RET: variants seen among roughly 807,000 people sequenced by gnomAD.
The protein encoded by RET is ret proto-oncogene, also known as proto-oncogene tyrosine-protein kinase receptor Ret.
A neutral mutation model predicts 118.3 loss-of-function variants in RET; 19 were observed. The observed-to-expected ratio is 0.16, with a 90% confidence interval of 0.11 to 0.24. RET has a LOEUF of 0.24. RET is among the 10% of genes least tolerant of loss of function. The pLI is 1.00. For missense variants in RET, 1,219 were observed against 1,502.1 expected, an observed-to-expected ratio of 0.81 and a Z score of 3.12; for synonymous variants, 597 against 644.1, an observed-to-expected ratio of 0.93 and a Z score of 1.11.
chr10:43,079,764 G>A (rs1837137569), intron 1 of RET, among the ~76,000 whole-genome samples: 1 of 152,166 alleles, frequency 6.6e-6, no homozygotes, highest in Non-Finnish European at 1.5e-5. Flanking sequence ...CAAGCTGCCA[G>A]ACCACCCTCT....
intron 1 of RET, among the ~76,000 whole-genome samples, chr10:43,092,646 T>C (rs1564486854): frequency 6.6e-6 from 1 of 152,182 alleles, no homozygotes; most frequent in Non-Finnish European, 1.5e-5. Flanking sequence ...GGACCCAGGT[T>C]TGTGCAGCAT....
intron 1 of RET, among the ~76,000 whole-genome samples, chr10:43,088,177 GTGA>G (rs1180429478): frequency 1.3e-5 from 2 of 151,842 alleles, no homozygotes; most frequent in Admixed American, 1.3e-4. Flanking sequence ...GGAGGCAACG[GTGA>G]TGGTGGTGGT....
chr10:43,111,130 G>T, intron 6 of RET, 77 bp from the exon 7 acceptor site: 1 of 1,597,274 alleles, frequency 6.3e-7, no homozygotes, highest in South Asian at 1.1e-5. Context: ...GACTTAGGCT[G>T]TGTGGGAATC....
intron 13 of RET, 106 bp from the exon 14 acceptor site, chr10:43,119,425 T>C: frequency 1.2e-6 from 1 of 853,686 alleles, no homozygotes; most frequent in Non-Finnish European, 1.9e-6. Context: ...ACCCCCTTAC[T>C]CATTGGGTGG....
At chr10:43,091,916 G>A (rs1181781195) in intron 1 of RET, among the ~76,000 whole-genome samples, 3 of 151,906 alleles carry the variant, frequency 2.0e-5, no homozygotes, top group African/African-American at 7.3e-5. Flanking sequence ...TGTAGCTGCT[G>A]TGGAGAACAG....
chr10:43,096,231 C>T (rs924766592), intron 1 of RET, among the ~76,000 whole-genome samples: 3 of 152,136 alleles, frequency 2.0e-5, no homozygotes, highest in Non-Finnish European at 4.4e-5. Context: ...TCTCGACCCA[C>T]GGGCCTGGCC....
At chr10:43,086,048 G>A (rs1418668321) in intron 1 of RET, among the ~76,000 whole-genome samples, 1 of 152,226 alleles carries the variant, frequency 6.6e-6, no homozygotes, top group Non-Finnish European at 1.5e-5. Flanking sequence ...CTACTCTGCA[G>A]CCCAATGCAG....
chr10:43,081,928 G>A (rs1228129361), intron 1 of RET, among the ~76,000 whole-genome samples: 2 of 152,200 alleles, frequency 1.3e-5, no homozygotes, highest in Non-Finnish European at 2.9e-5. Context: ...ACACTTGGCA[G>A]CCCCTGAGGT....
At position 43,118,782 on chromosome 10, in the gene RET, G is replaced by A. The variant is rs2075910; in HGVS notation, c.2392+302G>A. On this transcript the variant is annotated intron_variant, in intron 13 of 19. Coordinates refer to ENST00000355710, the MANE Select transcript of RET (RefSeq NM_020975.6). ...CCTCACCCAGTTCGGGGCTGGGCCC[G>A]TGGGGCAGGGAGCTCTAGGAATGGA... is the stretch of plus-strand genomic sequence containing the variant. Among the ~76,000 whole-genome samples the A allele has an allele frequency of 0.78, 119,434 of 152,244 alleles. 47,441 individuals are homozygous for A. Among genetic ancestry groups the A allele is most frequent in the African/African-American group, 0.88 (36,696 of 41,576 alleles).
intron 2 of RET, 106 bp from the exon 3 acceptor site, chr10:43,102,233 TTGG>T: frequency 7.2e-7 from 1 of 1,398,168 alleles, no homozygotes; most frequent in Non-Finnish European, 1.0e-6. Flanking sequence ...CTTGTGGACC[TTGG>T]TGGGGACCAG....
chr10:43,100,812 C>T, intron 2 of RET, 90 bp downstream of exon 2: 1 of 1,375,420 alleles, frequency 7.3e-7, no homozygotes, highest in Non-Finnish European at 1.0e-6. Flanking sequence ...TGAAGCTTGG[C>T]ATGGCTTCCC....
chr10:43,103,917 C>A (rs896027950), intron 3 of RET, among the ~76,000 whole-genome samples: 1 of 152,194 alleles, frequency 6.6e-6, no homozygotes, highest in South Asian at 2.1e-4. Flanking sequence ...GGGTCTTCAG[C>A]GGTGACCTTC....
chr10:43,116,969 A>C (rs1052326248), intron 12 of RET, among the ~76,000 whole-genome samples: 3 of 152,254 alleles, frequency 2.0e-5, no homozygotes, highest in Non-Finnish European at 4.4e-5. Flanking sequence ...TCTAAGCTTT[A>C]AACATTTAAA....
Position 43,109,143 on chromosome 10 carries a change from C to T in RET, c.1176C>T (p.His392=), listed in dbSNP as rs1193035007. The change falls in exon 6 of 20, where the codon CAC becomes CAT. Residue 392 remains histidine, a synonymous_variant. Coordinates refer to ENST00000355710, the MANE Select transcript of RET (RefSeq NM_020975.6). ...CAGGAGCGGGCGTCCTCTTGCTCCA[C>T]TTCAACGTGTCGGTGCTGCCGGTCA... ...QGPGAGVLLL[H]FNVSVLPVSL... 2 of 1,613,916 alleles carry T rather than the reference C, an allele frequency of 1.2e-6. No homozygotes were observed. Among genetic ancestry groups the T allele is most frequent in the African/African-American group, 1.3e-5 (1 of 75,050 alleles).
In RET at chr10:43,112,143, A is replaced by G. The variant is rs766278774; in HGVS notation, c.1567A>G (p.Lys523Glu). Residue 523 changes from lysine to glutamate, a missense_variant, in exon 8 of 20, where the codon AAG (lysine) becomes GAG (glutamate). Transcript: ENST00000355710. ...AGCPLSCAVS[K>E]RRLECEECGG... ...CTGCCCCCTGTCCTGTGCAGTCAGC[A>G]AGAGACGGCTGGAGTGTGAGGAGTG... 1 of 1,598,294 alleles carries G rather than the reference A, an allele frequency of 6.3e-7. No individual in the cohort carries two copies. The highest frequency in any genetic ancestry group is 1.3e-5 in the African/African-American group (1 of 74,786).
At chr10:43,126,060 T>A (rs1838321551) in intron 18 of RET, among the ~76,000 whole-genome samples, 1 of 152,116 alleles carries the variant, frequency 6.6e-6, no homozygotes, top group Non-Finnish European at 1.5e-5. Flanking sequence ...GACAGCGCTG[T>A]CAGATTTCAG....
At position 43,116,785 on chromosome 10, in the gene RET, C is replaced by A. The variant is rs566375223; in HGVS notation, c.2284+54C>A. 4.1e-4 allele frequency: 572 copies of A among 1,398,516 alleles called. 8 individuals carry two copies. The highest frequency in any genetic ancestry group is 7.3e-5 in the Non-Finnish European group (74 of 1,008,892). 86.6% of individuals were successfully genotyped at this position (1,398,516 alleles called of 1,614,324 possible). ...CTGGGGGAGTCTCCGGGGCGGGGGG[C>A]GGGTGAGGCCCCTCCTGCCCAGCAT... On this transcript the variant is annotated intron_variant, in intron 12 of 19. Coordinates refer to ENST00000355710, the MANE Select transcript of RET (RefSeq NM_020975.6).
chr10:43,093,774 GC>G (rs1362446341), intron 1 of RET, among the ~76,000 whole-genome samples: 2 of 152,096 alleles, frequency 1.3e-5, no homozygotes, highest in African/African-American at 4.8e-5. Context: ...AAAGACGGGA[GC>G]CAGACCTTAT....
chr10:43,098,315 C>T (rs1324922120), intron 1 of RET, among the ~76,000 whole-genome samples: 2 of 152,048 alleles, frequency 1.3e-5, no homozygotes, highest in Non-Finnish European at 2.9e-5. Flanking sequence ...AGGGATCTCA[C>T]ATAAGTGGAA....
Sources: gnomAD v4.1 joint callset for allele counts (sites outside exome capture counted in the v4.1 genomes callset) on GRCh38, gnomAD v4.1.1 for gene constraint, MANE v1.5 for transcripts, NCBI Gene and HGNC (gene_info 2026-07-23, HGNC 2026-07-21) for gene names.